The following AKAP7 variants were observed in gnomAD, a reference collection of about 807,000 sequenced individuals.
The protein encoded by AKAP7 is A kinase (PRKA) anchor protein 7.
AKAP7 carries 39 observed loss-of-function variants against 39.5 expected under a neutral mutation model. The ratio of observed to expected loss-of-function variants is 0.99; its 90% CI spans 0.76 to 1.29. The LOEUF is 1.29. Among genes scored for constraint, AKAP7 ranks in the 50% most tolerant of loss-of-function variants. The pLI is 0.00. For synonymous variants in AKAP7, 140 were observed against 139.1 expected (o/e 1.01, Z -0.05); for missense variants, 414 against 407.7 (o/e 1.02, Z -0.13).
In AKAP7 at chr6:131,274,369, TCTTC is replaced by T. The variant is rs200422742; in HGVS notation, c.851-7155_851-7152del. 3.4e-3 allele frequency among the ~76,000 whole-genome samples: 525 copies of T among 152,278 alleles called. 3 individuals carry two copies. Among genetic ancestry groups the T allele is most frequent in the African/African-American group, 0.012 (485 of 41,552 alleles). On this transcript the variant is annotated intron_variant, in intron 7 of 7. Coordinates refer to ENST00000431975, the MANE Select transcript of AKAP7 (RefSeq NM_016377.4). ...TCTGCACTCTCCCTGTCTTTCCTTA[TCTTC>T]CTTCCCTAATTAAATTGGTGCCATG... is the stretch of plus-strand genomic sequence containing the variant.
chr6:131,147,193 C>A (rs918291051), intron 2 of AKAP7, among the ~76,000 whole-genome samples: 1 of 152,178 alleles, frequency 6.6e-6, no homozygotes, highest in Admixed American at 6.5e-5. Context: ...TCTTTTTCAA[C>A]CTTTGCATCC....
At chr6:131,254,035 A>G (rs1018574447) in intron 7 of AKAP7, among the ~76,000 whole-genome samples, 1 of 152,208 alleles carries the variant, frequency 6.6e-6, no homozygotes. Flanking sequence ...CTGAATAGTC[A>G]AATACAGCAG....
intron 4 of AKAP7, among the ~76,000 whole-genome samples, chr6:131,165,629 C>G (rs1803408265): frequency 6.6e-6 from 1 of 152,172 alleles, no homozygotes; most frequent in South Asian, 2.1e-4. Flanking sequence ...TGCCTGGGGC[C>G]TGGCACATAG....
chr6:131,212,529 CT>C (rs1398686156), intron 6 of AKAP7, among the ~76,000 whole-genome samples: 1 of 152,192 alleles, frequency 6.6e-6, no homozygotes, highest in Admixed American at 6.5e-5. Context: ...ACCTTTCTTC[CT>C]TGTTCCATTT....
intron 7 of AKAP7, among the ~76,000 whole-genome samples, chr6:131,267,587 T>C (rs564844920): frequency 6.6e-6 from 1 of 152,184 alleles, no homozygotes; most frequent in Non-Finnish European, 1.5e-5. Flanking sequence ...TCCAGGCTCA[T>C]CATTCTCCTC....
rs80304518 is a variant in AKAP7, at chr6:131,231,984, C to T, written c.850+12176C>T. On this transcript the variant is annotated intron_variant, in intron 7 of 7. Coordinates refer to ENST00000431975, the MANE Select transcript of AKAP7 (RefSeq NM_016377.4). ...CTTCTTTACATCTGCCAAAGTTAGA[C>T]GAAGCTTTGGGATAATTAACTGAGA... Among the ~76,000 whole-genome samples the T allele has an allele frequency of 0.014, 2,196 of 152,196 alleles. 146 individuals are homozygous for T. In the East Asian group the frequency reaches 0.18, roughly 12 times the overall value.
intron 7 of AKAP7, among the ~76,000 whole-genome samples, chr6:131,265,789 A>C (rs759051778): frequency 2.0e-5 from 3 of 152,214 alleles, no homozygotes; most frequent in Non-Finnish European, 4.4e-5. Flanking sequence ...GACTTCGGCA[A>C]GTCTCATGGC....
intron 7 of AKAP7, among the ~76,000 whole-genome samples, chr6:131,244,247 C>T (rs559044839): frequency 6.6e-6 from 1 of 152,226 alleles, no homozygotes; most frequent in East Asian, 1.9e-4. Context: ...TTCCAGCTCC[C>T]CTAAGGCCAT....
chr6:131,138,510 A>G (rs1800767726), intron 1 of AKAP7, among the ~76,000 whole-genome samples: 1 of 152,198 alleles, frequency 6.6e-6, no homozygotes, highest in African/African-American at 2.4e-5. Flanking sequence ...ATAGATAACC[A>G]GAGAGCAGTA....
intron 5 of AKAP7, among the ~76,000 whole-genome samples, chr6:131,187,920 TGA>T (rs1360268012): frequency 6.6e-6 from 1 of 152,212 alleles, no homozygotes; most frequent in African/African-American, 2.4e-5. Flanking sequence ...AGAAGGGACC[TGA>T]GAGACAATTT....
rs1800469215 is a variant in AKAP7, at chr6:131,135,651, C to T, written c.-113C>T. 3.1e-6 allele frequency: 3 copies of T among 963,514 alleles called. 1 individual carries two copies. Among genetic ancestry groups the T allele is most frequent in the South Asian group, 9.4e-5 (2 of 21,314 alleles). The allele number at this position is 963,514 out of a possible 1,614,324, so 59.7% of individuals were successfully genotyped here. A position where few individuals can be genotyped will look rare whatever the true frequency, so the allele number is the denominator to read the frequency against. On this transcript the variant is annotated 5_prime_UTR_variant, in exon 1 of 8. Coordinates refer to ENST00000431975, the MANE Select transcript of AKAP7 (RefSeq NM_016377.4). Reference sequence around the variant, plus strand: ...CCGCGCCGGCCCAGCGCACCGCCCTCAGGCCCCGAGCCCCGCCCTGGCCTC... The same window carrying T: ...CCGCGCCGGCCCAGCGCACCGCCCTTAGGCCCCGAGCCCCGCCCTGGCCTC...
intron 5 of AKAP7, among the ~76,000 whole-genome samples, chr6:131,194,711 G>C (rs1419847296): frequency 6.6e-6 from 1 of 152,032 alleles, no homozygotes. Context: ...GTATATCTGG[G>C]TACTCCAATG....
At chr6:131,247,478 A>G (rs1446441052) in intron 7 of AKAP7, among the ~76,000 whole-genome samples, 1 of 150,432 alleles carries the variant, frequency 6.6e-6, no homozygotes, top group Non-Finnish European at 1.5e-5. Flanking sequence ...GGCGTGCACC[A>G]CCATGCCTGG....
intron 7 of AKAP7, among the ~76,000 whole-genome samples, chr6:131,228,285 C>T (rs927588971): frequency 9.2e-5 from 14 of 152,114 alleles, no homozygotes. Context: ...AAACCTGGAC[C>T]TTTGATACAT....
chr6:131,195,228 G>A (rs1396734663), intron 5 of AKAP7, among the ~76,000 whole-genome samples: 1 of 151,986 alleles, frequency 6.6e-6, no homozygotes, highest in East Asian at 1.9e-4. Flanking sequence ...AGGTTACCCT[G>A]AGGATTGCAA....
rs578109827 is a variant in AKAP7 at position 131,229,073 on chromosome 6, G to T, written c.850+9265G>T. ...ATGTGTTTGCATGATTATTTAAGCT[G>T]TGAGCTAAAGTAGCCCCTTTCTTCC... On this transcript the variant is annotated intron_variant, in intron 7 of 7. Coordinates refer to ENST00000431975, the MANE Select transcript of AKAP7 (RefSeq NM_016377.4). Among the ~76,000 whole-genome samples the T allele has an allele frequency of 1.6e-4, 25 of 152,266 alleles. No individual in the cohort carries two copies. The South Asian group carries it at 4.2e-3, about 25-fold the overall frequency.
chr6:131,150,348 C>A (rs915415830), intron 2 of AKAP7, among the ~76,000 whole-genome samples: 1 of 152,124 alleles, frequency 6.6e-6, no homozygotes, highest in Non-Finnish European at 1.5e-5. Flanking sequence ...AGATTTTAAA[C>A]ATCTTAAAAT....
Position 131,161,644 on chromosome 6 carries a change from C to CAAAAAAAAAAAAAAAA in AKAP7, c.291+1471_291+1486dup, listed in dbSNP as rs55744190. ...TGGGTGACAGAGCCAGACTGTATCT[C>CAAAAAAAAAAAAAAAA]AAAAAAAAAAAAAAAAAAAAAAAAA... On this transcript the variant is annotated intron_variant, in intron 3 of 7. Transcript: ENST00000431975. Among the ~76,000 whole-genome samples, 22 of 33,624 alleles carry CAAAAAAAAAAAAAAAA rather than the reference C, an allele frequency of 6.5e-4. 4 individuals are homozygous for CAAAAAAAAAAAAAAAA. The highest frequency in any genetic ancestry group is 2.1e-3 in the South Asian group (1 of 470). 22.1% of individuals were successfully genotyped at this position (33,624 alleles called of 152,430 possible). A position where few individuals can be genotyped will look rare whatever the true frequency, so the allele number is the denominator to read the frequency against.
At chr6:131,230,441 T>C (rs1412610407) in intron 7 of AKAP7, among the ~76,000 whole-genome samples, 1 of 152,118 alleles carries the variant, frequency 6.6e-6, no homozygotes, top group East Asian at 1.9e-4. Context: ...TTTTAATGAG[T>C]TTTTTTCTTT....
Sources: gnomAD v4.1 joint callset for allele counts (sites outside exome capture counted in the v4.1 genomes callset) on GRCh38, gnomAD v4.1.1 for gene constraint, MANE v1.5 for transcripts, NCBI Gene and HGNC (gene_info 2026-07-23, HGNC 2026-07-21) for gene names.